The following SYN3 variants were observed in gnomAD, a reference collection of about 807,000 sequenced individuals.
SYN3 encodes synapsin-3.
A neutral mutation model predicts 65.8 loss-of-function variants in SYN3; 35 were observed. The ratio of observed to expected loss-of-function variants is 0.53; its 90% CI spans 0.41 to 0.70. The LOEUF (loss-of-function observed/expected upper bound fraction) is 0.70, where lower values mean the gene tolerates loss of function less well. Ranked by LOEUF, SYN3 falls within the 30% of genes least tolerant of loss-of-function variation. SYN3 has a pLI of 0.00. For missense variants in SYN3, 680 were observed against 749.0 expected (o/e 0.91, Z 1.08); for synonymous variants, 270 against 292.9 (o/e 0.92, Z 0.80).
rs1383142071 is a variant in SYN3, at chr22:32,761,026, G to A, written c.711+103889C>T. 2.0e-5 allele frequency among the ~76,000 whole-genome samples: 3 copies of A among 152,136 alleles called. No individual in the cohort carries two copies. The South Asian group carries it at 6.2e-4, about 32-fold the overall frequency. ...TTCCCTCTAGCAGGGGGAGCTCCCG[G>A]GGTACACGGTGTCCCAGCCAGCTCT... On this transcript the variant is annotated intron_variant, in intron 6 of 13. Transcript: ENST00000358763.
intron 7 of SYN3, among the ~76,000 whole-genome samples, chr22:32,556,611 T>C (rs2058500166): frequency 1.3e-5 from 2 of 152,096 alleles, no homozygotes; most frequent in Non-Finnish European, 2.9e-5. Flanking sequence ...GGAGCCCTAA[T>C]GTGATGACTT....
chr22:32,944,586 C>G (rs1185165174), intron 3 of SYN3, among the ~76,000 whole-genome samples: 1 of 152,178 alleles, frequency 6.6e-6, no homozygotes, highest in Non-Finnish European at 1.5e-5. Context: ...CAGCCAATAT[C>G]ATACTGAATG....
chr22:32,992,742 G>C (rs939183803), intron 2 of SYN3, among the ~76,000 whole-genome samples: 1 of 152,154 alleles, frequency 6.6e-6, no homozygotes, highest in East Asian at 1.9e-4. Context: ...AAACCTGGGA[G>C]GCGGACGTTG....
intron 1 of SYN3, among the ~76,000 whole-genome samples, chr22:33,011,555 C>T (rs2053351930): frequency 6.6e-6 from 1 of 151,930 alleles, no homozygotes; most frequent in Admixed American, 6.6e-5. Flanking sequence ...AATGTTTTTG[C>T]TAGGTTTTGG....
At chr22:32,711,163 T>G (rs1006796874) in intron 6 of SYN3, among the ~76,000 whole-genome samples, 2 of 152,152 alleles carry the variant, frequency 1.3e-5, no homozygotes, top group Non-Finnish European at 2.9e-5. Context: ...CTGGAATGGG[T>G]TGGTCACCCT....
chr22:33,014,283 C>T (rs963146537), intron 1 of SYN3: 1 of 152,132 alleles, frequency 6.6e-6, no homozygotes, highest in Non-Finnish European at 1.5e-5. Flanking sequence ...TTTATCCATT[C>T]CTCTGATGAT....
intron 1 of SYN3, among the ~76,000 whole-genome samples, chr22:33,052,373 T>C (rs2054182161): frequency 6.7e-6 from 1 of 148,936 alleles, no homozygotes; most frequent in Non-Finnish European, 1.5e-5. Flanking sequence ...CTTTGAAATC[T>C]CTTCTCTAAA....
chr22:32,645,417 C>T (rs983143270), intron 6 of SYN3, among the ~76,000 whole-genome samples: 3 of 150,054 alleles, frequency 2.0e-5, no homozygotes, highest in East Asian at 1.9e-4. Flanking sequence ...CACCACTGCA[C>T]TCCAGCCTGG....
intron 2 of SYN3, among the ~76,000 whole-genome samples, chr22:32,993,206 T>C (rs1306914091): frequency 1.3e-5 from 2 of 152,138 alleles, no homozygotes; most frequent in Admixed American, 1.3e-4. Flanking sequence ...CAAGCTGATG[T>C]ATCCTGAGAC....
chr22:32,907,943 G>C (rs1326953207), intron 4 of SYN3, among the ~76,000 whole-genome samples: 1 of 152,072 alleles, frequency 6.6e-6, no homozygotes, highest in Non-Finnish European at 1.5e-5. Context: ...CTCCCTATAA[G>C]GGAAGATCAT....
chr22:32,947,340 A>AT (rs1017963963), intron 3 of SYN3: 2 of 152,224 alleles, frequency 1.3e-5, no homozygotes, highest in African/African-American at 4.8e-5. Context: ...AAGTAGGAAT[A>AT]TTTTTTATAA....
chr22:32,976,201 C>A (rs984551819), intron 3 of SYN3, among the ~76,000 whole-genome samples: 24 of 152,340 alleles, frequency 1.6e-4, no homozygotes, highest in African/African-American at 5.3e-4. Flanking sequence ...CCCAATATTA[C>A]ACAAGGACAG....
At chr22:32,634,486 G>A (rs983063984) in intron 6 of SYN3, among the ~76,000 whole-genome samples, 2 of 152,200 alleles carry the variant, frequency 1.3e-5, no homozygotes, top group Admixed American at 6.5e-5. Context: ...CGGCATCCGT[G>A]AAAAGGATTC....
rs59752570 is a variant in SYN3 at position 32,869,330 on chromosome 22, T to TTCTCTCTCTCTCTCTCTCTC, written c.462-225_462-206dup. Among the ~76,000 whole-genome samples, 545 of 120,974 alleles carry TTCTCTCTCTCTCTCTCTCTC rather than the reference T, an allele frequency of 4.5e-3. 7 individuals are homozygous for TTCTCTCTCTCTCTCTCTCTC. The highest frequency in any genetic ancestry group is 0.01 in the African/African-American group (348 of 34,412). The allele number at this position is 120,974 out of a possible 152,430, so 79.4% of individuals were successfully genotyped here. On this transcript the variant is annotated intron_variant, in intron 4 of 13. Coordinates refer to ENST00000358763, the MANE Select transcript of SYN3 (RefSeq NM_003490.4). The stretch of plus-strand genomic sequence containing the variant: ...CAAAGGGCTGGAAACACTATATATA[T>TTCTCTCTCTCTCTCTCTCTC]TCTCTCTCTCTCTCTCTCTCTCTCT...
chr22:32,781,713 T>G (rs2145835116), intron 6 of SYN3, among the ~76,000 whole-genome samples: 1 of 151,462 alleles, frequency 6.6e-6, no homozygotes, highest in Non-Finnish European at 1.5e-5. Context: ...TTGTTGTTGT[T>G]GATTGGCTGA....
At chr22:32,760,024 T>C (rs183567949) in intron 6 of SYN3, among the ~76,000 whole-genome samples, 16 of 4,542 alleles carry the variant, frequency 3.5e-3, no homozygotes, top group Admixed American at 6.8e-3. Context: ...CAGCAGCCAG[T>C]ACCCACCCAC....
Position 32,998,793 on chromosome 22 carries a change from A to AC in SYN3, c.311+7558_311+7559insG, listed in dbSNP as rs1556121664. On this transcript the variant is annotated intron_variant, in intron 2 of 13. Coordinates refer to ENST00000358763, the MANE Select transcript of SYN3 (RefSeq NM_003490.4). Reference sequence around the variant, plus strand: ...AGAAATAGTAAAAAAAAAAAAAAAAAAAAAAACAAAAGTCCCTCCATCCTC... The same window carrying AC: ...AGAAATAGTAAAAAAAAAAAAAAAAACAAAAAACAAAAGTCCCTCCATCCTC... Among the ~76,000 whole-genome samples the AC allele has an allele frequency of 1.3e-4, 20 of 150,290 alleles. 1 individual carries two copies. In the South Asian group the frequency reaches 3.2e-3, roughly 24 times the overall value.
intron 4 of SYN3, among the ~76,000 whole-genome samples, chr22:32,876,196 T>C (rs2048976500): frequency 6.6e-6 from 1 of 152,114 alleles, no homozygotes; most frequent in Non-Finnish European, 1.5e-5. Flanking sequence ...CCTCACTGTG[T>C]CCTTACATGG....
At chr22:32,807,355 A>AAATATATATT (rs1555968074) in intron 6 of SYN3, among the ~76,000 whole-genome samples, 25 of 19,892 alleles carry the variant, frequency 1.3e-3, no homozygotes, top group African/African-American at 2.8e-3. Flanking sequence ...ATAAATATAT[A>AAATATATATT]ATATATAATA....
Sources: allele counts gnomAD v4.1 joint callset (sites outside exome capture counted in the v4.1 genomes callset), GRCh38; gene constraint gnomAD v4.1.1; transcripts MANE v1.5; gene names NCBI Gene and HGNC (gene_info 2026-07-23, HGNC 2026-07-21).